Variants in GCFC2 observed in about 807,000 individuals in gnomAD.
GCFC2 encodes the protein GC-rich sequence DNA-binding factor 2, also known as intron Large complex component GCFC2.
GCFC2 carries 102 observed loss-of-function variants against 99.4 expected under a neutral mutation model. The ratio of observed to expected loss-of-function variants is 1.03; its 90% CI spans 0.87 to 1.21. The LOEUF (loss-of-function observed/expected upper bound fraction) is 1.21. Ranked by LOEUF, GCFC2 falls within the 50% of genes most tolerant of loss-of-function variation. The pLI, the probability that GCFC2 is intolerant of heterozygous loss-of-function variation, is 0.00. For synonymous variants in GCFC2, 338 were observed against 316.8 expected (o/e 1.07, Z -0.71); for missense variants, 973 against 920.9 (o/e 1.06, Z -0.73).
chr2:75,669,749 T>G (rs867299892), intron 15 of GCFC2, among the ~76,000 whole-genome samples: 94 of 152,284 alleles, frequency 6.2e-4, no homozygotes, highest in African/African-American at 2.1e-3. Flanking sequence ...TTTTTTTTTT[T>G]GAGATGGAGT....
At chr2:75,687,091 C>T (rs1286191409) in intron 11 of GCFC2, among the ~76,000 whole-genome samples, 2 of 152,118 alleles carry the variant, frequency 1.3e-5, no homozygotes, top group Non-Finnish European at 2.9e-5. Flanking sequence ...CCTGCTACCA[C>T]ACCCAGCTAG....
intron 12 of GCFC2, among the ~76,000 whole-genome samples, chr2:75,676,826 T>C (rs764005187): frequency 1.3e-5 from 2 of 152,256 alleles, no homozygotes; most frequent in African/African-American, 2.4e-5. Context: ...GTCAATTTTC[T>C]ACAATCTTTT....
At chr2:75,701,032 GCC>G (rs1441307745) in intron 4 of GCFC2, among the ~76,000 whole-genome samples, 156 bp downstream of exon 4, 7 of 152,174 alleles carry the variant, frequency 4.6e-5, no homozygotes, top group Non-Finnish European at 1.5e-5. Context: ...ACCCCCCAGG[GCC>G]TTTGGAAGAA....
chr2:75,703,101 T>C, intron 2 of GCFC2, among the ~76,000 whole-genome samples: 1 of 152,218 alleles, frequency 6.6e-6, no homozygotes, highest in East Asian at 1.9e-4. Flanking sequence ...TTTTCTTTAT[T>C]TTGTACAGCA....
chr2:75,698,238 A>G (rs1047850772), intron 4 of GCFC2, among the ~76,000 whole-genome samples: 3 of 152,232 alleles, frequency 2.0e-5, no homozygotes, highest in African/African-American at 7.2e-5. Flanking sequence ...TTAAATGGCA[A>G]TAGAGAAAAA....
intron 15 of GCFC2, among the ~76,000 whole-genome samples, chr2:75,669,019 C>G (rs1678971447): frequency 6.6e-6 from 1 of 152,130 alleles, no homozygotes; most frequent in South Asian, 2.1e-4. Flanking sequence ...AAATGTTTGC[C>G]AACACAACTG....
intron 1 of GCFC2, among the ~76,000 whole-genome samples, chr2:75,708,320 T>C (rs1680963110): frequency 6.6e-6 from 1 of 152,106 alleles, no homozygotes; most frequent in Non-Finnish European, 1.5e-5. Flanking sequence ...TTTTTTGGTA[T>C]TGTACAATAA....
At chr2:75,665,858 T>G in intron 16 of GCFC2, 71 bp downstream of exon 16, 2 of 954,944 alleles carry the variant, frequency 2.1e-6, no homozygotes, top group Non-Finnish European at 3.0e-6. Context: ...TACAAATCTT[T>G]CTAAAAGTTG....
chr2:75,707,618 C>G (rs574375860), intron 1 of GCFC2, among the ~76,000 whole-genome samples: 46 of 152,242 alleles, frequency 3.0e-4, no homozygotes, highest in African/African-American at 1.1e-3. Flanking sequence ...TTATGACAAC[C>G]CATACCTGTT....
intron 2 of GCFC2, 117 bp downstream of exon 2, chr2:75,706,406 T>C (rs987773137): frequency 3.0e-6 from 2 of 658,140 alleles, no homozygotes; most frequent in South Asian, 2.1e-5. Context: ...ACTCTGACAA[T>C]CATCATTAAT....
chr2:75,710,761 G>A lies in GCFC2; in HGVS notation c.95C>T (p.Pro32Leu), dbSNP rs755887367. Reference protein sequence around the residue: ...AEESPAEPGAPRELPVPGSAE... With the variant: ...AEESPAEPGALRELPVPGSAE... ...AGAACCCGGGACCGGAAGTTCCCTCGGCGCCCCAGGCTCAGCAGGCGACTC... is the reference window on the plus strand; with the variant it reads ...AGAACCCGGGACCGGAAGTTCCCTCAGCGCCCCAGGCTCAGCAGGCGACTC... The change falls in exon 1 of 17, where the codon CCG (proline) becomes CTG (leucine). Residue 32 changes from proline (P) to leucine (L), a missense_variant. Coordinates refer to ENST00000321027, the MANE Select transcript of GCFC2 (RefSeq NM_003203.5). The A allele has an allele frequency of 1.9e-6, 3 of 1,568,076 alleles. No homozygotes were observed. Among genetic ancestry groups the A allele is most frequent in the Admixed American group, 1.8e-5 (1 of 56,386 alleles).
At chr2:75,685,254 A>G (rs1679761113) in intron 11 of GCFC2, among the ~76,000 whole-genome samples, 1 of 152,174 alleles carries the variant, frequency 6.6e-6, no homozygotes, top group Admixed American at 6.5e-5. Context: ...CTCCTCTAGT[A>G]TTGTTCCATT....
At chr2:75,699,901 T>C (rs1283715663) in intron 4 of GCFC2, among the ~76,000 whole-genome samples, 4 of 151,822 alleles carry the variant, frequency 2.6e-5, no homozygotes, top group South Asian at 4.2e-4. Flanking sequence ...ACGTTGTTTT[T>C]TTTTTTTTTT....
At chr2:75,665,354 A>G (rs945632125) in intron 16 of GCFC2, among the ~76,000 whole-genome samples, 26 of 152,058 alleles carry the variant, frequency 1.7e-4, no homozygotes, top group African/African-American at 6.0e-4. Context: ...GGGTCTTGCT[A>G]TGTTTCCCAG....
intron 6 of GCFC2, among the ~76,000 whole-genome samples, chr2:75,692,905 ACT>A (rs1010421472): frequency 2.2e-4 from 34 of 152,200 alleles, no homozygotes; most frequent in African/African-American, 8.2e-4. Flanking sequence ...TGAAATTGAA[ACT>A]CTCATATTTT....
At chr2:75,680,384 A>G (rs1679520896) in intron 11 of GCFC2, 70 bp from the exon 12 acceptor site, 3 of 1,299,764 alleles carry the variant, frequency 2.3e-6, no homozygotes, top group Non-Finnish European at 3.3e-6. Flanking sequence ...ACAAATAATC[A>G]AGACCTTTAA....
At chr2:75,697,982 C>A (rs975510381) in intron 4 of GCFC2, 3 of 152,148 alleles carry the variant, frequency 2.0e-5, no homozygotes, top group African/African-American at 7.2e-5. Context: ...AGCGAATAAA[C>A]TTCTATTGTT....
intron 15 of GCFC2, among the ~76,000 whole-genome samples, chr2:75,668,909 C>G (rs755389270): frequency 2.0e-5 from 3 of 152,120 alleles, no homozygotes; most frequent in Non-Finnish European, 2.9e-5. Flanking sequence ...TTTCCAGAAC[C>G]ACTGCACTGC....
At chr2:75,695,800 C>T (rs969935690) in intron 5 of GCFC2, among the ~76,000 whole-genome samples, 1 of 152,182 alleles carries the variant, frequency 6.6e-6, no homozygotes, top group Non-Finnish European at 1.5e-5. Flanking sequence ...ATGTGACTAA[C>T]AGGCTGCTGG....
Sources: allele counts gnomAD v4.1 joint callset (sites outside exome capture counted in the v4.1 genomes callset), GRCh38; gene constraint gnomAD v4.1.1; transcripts MANE v1.5; gene names NCBI Gene and HGNC (gene_info 2026-07-23, HGNC 2026-07-21).